The following PKP4 variants were observed in gnomAD, a reference collection of about 807,000 sequenced individuals.
The protein encoded by PKP4 is plakophilin-4.
PKP4 carries 90 observed loss-of-function variants against 145.1 expected under a neutral mutation model. The observed-to-expected ratio is 0.62, with a 90% CI of 0.52 to 0.74. The LOEUF is 0.74. Ranked by LOEUF, PKP4 falls within the 30% of genes least tolerant of loss-of-function variation. The pLI, the probability that PKP4 is intolerant of heterozygous loss-of-function variation, is 0.00. For synonymous variants in PKP4, 563 were observed against 577.2 expected (o/e 0.98, Z 0.35); for missense variants, 1,340 against 1,482.7 (o/e 0.90, Z 1.58).
chr2:158,603,039 A>G (rs2050355942), intron 3 of PKP4, 31 bp from the exon 4 acceptor site: 1 of 1,361,046 alleles, frequency 7.3e-7, no homozygotes, highest in Non-Finnish European at 1.0e-6. Flanking sequence ...AAATAAATAA[A>G]TGTTCCATTT....
intron 3 of PKP4, among the ~76,000 whole-genome samples, chr2:158,602,511 A>G (rs1432695558): frequency 1.3e-5 from 2 of 152,204 alleles, no homozygotes; most frequent in Non-Finnish European, 2.9e-5. Context: ...TTTTATTCAC[A>G]AATTTTTTAA....
At chr2:158,630,926 T>TTTTGTTTGTTTG (rs145862519) in intron 7 of PKP4, among the ~76,000 whole-genome samples, 8,282 of 151,188 alleles carry the variant, frequency 0.055, 283 homozygotes, top group South Asian at 0.11. Context: ...GAGAAAGTGT[T>TTTTGTTTGTTTG]TTTGTTTGTT....
At chr2:158,564,635 C>A (rs575090465) in intron 2 of PKP4, among the ~76,000 whole-genome samples, 2 of 152,290 alleles carry the variant, frequency 1.3e-5, no homozygotes, top group Admixed American at 1.3e-4. Flanking sequence ...CATTTCCCCC[C>A]AGTTCCTCAC....
chr2:158,474,084 AT>A (rs1692045610), intron 1 of PKP4, among the ~76,000 whole-genome samples: 1 of 152,210 alleles, frequency 6.6e-6, no homozygotes, highest in South Asian at 2.1e-4. Context: ...CAACTCAAAG[AT>A]GACCAGAACA....
chr2:158,518,083 C>T (rs1161443401), intron 1 of PKP4, among the ~76,000 whole-genome samples: 1 of 152,164 alleles, frequency 6.6e-6, no homozygotes, highest in East Asian at 1.9e-4. Flanking sequence ...GTGGCTCAAA[C>T]AACAATGAGT....
At chr2:158,671,948 G>T (rs911725763) in intron 17 of PKP4, among the ~76,000 whole-genome samples, 2 of 152,182 alleles carry the variant, frequency 1.3e-5, no homozygotes, top group South Asian at 4.1e-4. Flanking sequence ...AGAGCATTTC[G>T]GTTAGAGGGG....
At chr2:158,612,528 T>G (rs1463442062) in intron 4 of PKP4, among the ~76,000 whole-genome samples, 1 of 152,172 alleles carries the variant, frequency 6.6e-6, no homozygotes, top group Non-Finnish European at 1.5e-5. Flanking sequence ...GTGTATACAT[T>G]TTAATTTTGA....
intron 7 of PKP4, 57 bp from the exon 8 acceptor site, chr2:158,631,695 GT>G (rs1190247673): frequency 7.0e-7 from 1 of 1,430,760 alleles, no homozygotes; most frequent in Non-Finnish European, 9.9e-7. Context: ...TAGGGTTTAT[GT>G]TTTTAACCTC....
intron 2 of PKP4, among the ~76,000 whole-genome samples, chr2:158,568,891 T>C (rs2105760579): frequency 6.6e-6 from 1 of 152,226 alleles, no homozygotes; most frequent in Non-Finnish European, 1.5e-5. Flanking sequence ...AATAATCGCT[T>C]GAACCCCGGA....
At chr2:158,480,022 G>T (rs766863648) in intron 1 of PKP4, among the ~76,000 whole-genome samples, 3 of 152,080 alleles carry the variant, frequency 2.0e-5, no homozygotes, top group Non-Finnish European at 4.4e-5. Context: ...CTTCTTAGAC[G>T]TTGATTCTGA....
chr2:158,542,771 T>TA (rs1278825971), intron 2 of PKP4, among the ~76,000 whole-genome samples: 1 of 149,940 alleles, frequency 6.7e-6, no homozygotes. Context: ...CTGTTCTCCT[T>TA]ACTACTACTA....
chr2:158,498,757 C>T (rs1477392873), intron 1 of PKP4, among the ~76,000 whole-genome samples: 1 of 151,734 alleles, frequency 6.6e-6, no homozygotes, highest in Non-Finnish European at 1.5e-5. Flanking sequence ...TAAACTCCTG[C>T]TCAGTTTGTT....
At chr2:158,594,698 T>C (rs1241534540) in intron 3 of PKP4, among the ~76,000 whole-genome samples, 1 of 152,180 alleles carries the variant, frequency 6.6e-6, no homozygotes, top group African/African-American at 2.4e-5. Context: ...GTTTTTGTTT[T>C]CATTGAGATT....
At chr2:158,470,929 C>G (rs1280911967) in intron 1 of PKP4, among the ~76,000 whole-genome samples, 2 of 152,118 alleles carry the variant, frequency 1.3e-5, no homozygotes, top group Admixed American at 6.5e-5. Context: ...AAACCCCAGT[C>G]TTCCTTAGGG....
intron 2 of PKP4, among the ~76,000 whole-genome samples, chr2:158,551,782 ATAAG>A (rs1251158059): frequency 6.6e-6 from 1 of 152,226 alleles, no homozygotes; most frequent in Non-Finnish European, 1.5e-5. Context: ...AAAAATCAAA[ATAAG>A]TATCTCACAT....
intron 1 of PKP4, among the ~76,000 whole-genome samples, chr2:158,506,714 T>G (rs902901658): frequency 3.3e-5 from 5 of 152,248 alleles, no homozygotes; most frequent in African/African-American, 1.2e-4. Context: ...AGGAAAACTT[T>G]ATGAATTGGA....
chr2:158,655,459 T>C (rs1015113147), intron 11 of PKP4, among the ~76,000 whole-genome samples: 2 of 152,200 alleles, frequency 1.3e-5, no homozygotes, highest in African/African-American at 2.4e-5. Context: ...AGGCATCAAC[T>C]CCAGGATCCA....
intron 2 of PKP4, among the ~76,000 whole-genome samples, chr2:158,571,888 A>G (rs1368716226): frequency 2.0e-5 from 3 of 152,196 alleles, no homozygotes; most frequent in Non-Finnish European, 2.9e-5. Context: ...GGGAGTGCAG[A>G]GACCTAATTC....
intron 20 of PKP4, among the ~76,000 whole-genome samples, chr2:158,677,913 C>G (rs2058145374): frequency 6.6e-6 from 1 of 152,184 alleles, no homozygotes; most frequent in African/African-American, 2.4e-5. Context: ...TTTGCCTCAA[C>G]TACGTTTCAT....
Sources: allele counts gnomAD v4.1 joint callset (sites outside exome capture counted in the v4.1 genomes callset), GRCh38; gene constraint gnomAD v4.1.1; transcripts MANE v1.5; gene names NCBI Gene and HGNC (gene_info 2026-07-23, HGNC 2026-07-21).